The following VPS13A variants were observed in gnomAD, a reference collection of about 807,000 sequenced individuals.
The protein encoded by VPS13A is vacuolar protein sorting 13 homolog A.
In VPS13A, 264 loss-of-function variants were observed where a neutral mutation model predicts 390.9. That is an observed-to-expected ratio of 0.68 (90% confidence interval 0.61 to 0.75). The LOEUF is 0.75. Among genes scored for constraint, VPS13A ranks in the 30% least tolerant of loss-of-function variants. VPS13A has a pLI of 0.00. For missense variants in VPS13A, 3,409 were observed against 3,733.9 expected (o/e 0.91, Z 2.27); for synonymous variants, 1,231 against 1,227.1 (o/e 1.00, Z -0.07).
intron 13 of VPS13A, among the ~76,000 whole-genome samples, chr9:77,225,577 T>G (rs1823461977): frequency 6.6e-6 from 1 of 150,478 alleles, no homozygotes; most frequent in Non-Finnish European, 1.5e-5. Flanking sequence ...AAAATGTAAC[T>G]AATATGTTTA....
At chr9:77,319,732 T>C in intron 42 of VPS13A, 59 bp downstream of exon 42, 2 of 984,920 alleles carry the variant, frequency 2.0e-6, no homozygotes, top group Non-Finnish European at 2.9e-6. Context: ...AAAGACTTTA[T>C]TTTTTTAAGA....
rs1479692409 is a variant in VPS13A at position 77,238,364 on chromosome 9, A to G, written c.1878A>G (p.Glu626=). Residue 626 remains glutamate, a synonymous_variant, in exon 19 of 72, where the codon GAA becomes GAG. Transcript: ENST00000360280. The part of the protein sequence containing the change: ...LTAATLTKLE[E]FRSKTATGLL... ...CAGCAACTTTGACAAAACTGGAAGAATTTCGCAGTAAGACAGCAACAGGTA... is the reference window on the plus strand; with the variant it reads ...CAGCAACTTTGACAAAACTGGAAGAGTTTCGCAGTAAGACAGCAACAGGTA... 1 of 1,613,918 alleles carries G rather than the reference A, an allele frequency of 6.2e-7. No individual in the cohort carries two copies. The highest frequency in any genetic ancestry group is 8.5e-7 in the Non-Finnish European group (1 of 1,179,860).
At chr9:77,287,074 AAACT>A (rs1458805748) in intron 31 of VPS13A, among the ~76,000 whole-genome samples, 1 of 150,732 alleles carries the variant, frequency 6.6e-6, no homozygotes, top group African/African-American at 2.4e-5. Context: ...GGTTTATTCT[AAACT>A]AATTTACCAG....
intron 23 of VPS13A, among the ~76,000 whole-genome samples, chr9:77,267,209 G>T (rs1037951246): frequency 1.3e-5 from 2 of 152,060 alleles, no homozygotes; most frequent in African/African-American, 4.8e-5. Context: ...TCCCTTGCTG[G>T]CAAGGAGTTG....
chr9:77,292,783 G>A (rs1827755316), intron 31 of VPS13A, among the ~76,000 whole-genome samples: 1 of 152,052 alleles, frequency 6.6e-6, no homozygotes, highest in African/African-American at 2.4e-5. Flanking sequence ...ATTTTTAACT[G>A]TTATTGCAGA....
intron 68 of VPS13A, 28 bp downstream of exon 68, chr9:77,382,115 A>C (rs1209693666): frequency 4.5e-6 from 7 of 1,559,150 alleles, no homozygotes; most frequent in Non-Finnish European, 6.1e-6. Flanking sequence ...TTATAAATTA[A>C]GATTAATTTA....
At chr9:77,196,674 TG>T (rs1335393117) in intron 1 of VPS13A, among the ~76,000 whole-genome samples, 11 of 149,426 alleles carry the variant, frequency 7.4e-5, no homozygotes, top group Admixed American at 2.0e-4. Context: ...TGTTTTGTTT[TG>T]TTTTTTTTTT....
At chr9:77,229,359 G>A (rs1030225668) in intron 17 of VPS13A, among the ~76,000 whole-genome samples, 1 of 152,188 alleles carries the variant, frequency 6.6e-6, no homozygotes, top group African/African-American at 2.4e-5. Context: ...GGAATTACAG[G>A]TGTGAGCCTG....
intron 19 of VPS13A, among the ~76,000 whole-genome samples, chr9:77,242,915 TTTG>T (rs1208833918): frequency 1.3e-5 from 2 of 152,088 alleles, no homozygotes; most frequent in African/African-American, 4.8e-5. Flanking sequence ...TTCTTCCAAC[TTTG>T]TTTTCTTTTC....
At chr9:77,249,980 T>C in intron 20 of VPS13A, 117 bp from the exon 21 acceptor site, 2 of 1,142,004 alleles carry the variant, frequency 1.8e-6, no homozygotes, top group South Asian at 2.8e-5. Flanking sequence ...TTATTATGTA[T>C]GCTTACTTGT....
At chr9:77,201,227 A>G (rs1825313702) in intron 2 of VPS13A, 138 bp from the exon 3 acceptor site, 1 of 615,626 alleles carries the variant, frequency 1.6e-6, no homozygotes, top group Non-Finnish European at 2.9e-6. Context: ...ATATATTTAA[A>G]TAAATGTTGA....
chr9:77,338,389 T>G (rs1830646031), intron 47 of VPS13A: 1 of 152,230 alleles, frequency 6.6e-6, no homozygotes, highest in Admixed American at 6.5e-5. Flanking sequence ...ATTTGTACTT[T>G]GCTGTCAGGT....
chr9:77,252,108 C>A, intron 21 of VPS13A, 127 bp from the exon 22 acceptor site: 1 of 774,054 alleles, frequency 1.3e-6, no homozygotes, highest in Non-Finnish European at 2.3e-6. Context: ...GAGAATGTGA[C>A]ATTAAGATTA....
At chr9:77,186,237 T>C (rs1682970088) in intron 1 of VPS13A, among the ~76,000 whole-genome samples, 1 of 152,242 alleles carries the variant, frequency 6.6e-6, no homozygotes, top group African/African-American at 2.4e-5. Context: ...TGTAACATTG[T>C]TGTCATTAAT....
In VPS13A at chr9:77,339,498, T is replaced by G. The variant is rs1035098366; in HGVS notation, c.6379-18T>G. On this transcript the variant is annotated intron_variant, in intron 47 of 71. Transcript: ENST00000360280. ...CAACATTTTAAATTTTGTTTTGTTT[T>G]TTTTTTTTTTATTACAGGGAATTGA... 1.6e-5 allele frequency: 25 copies of G among 1,523,586 alleles called. No homozygotes were observed. Among genetic ancestry groups the G allele is most frequent in the Middle Eastern group, 1.9e-4 (1 of 5,374 alleles). 94.4% of individuals were successfully genotyped at this position (1,523,586 alleles called of 1,614,324 possible). A position where few individuals can be genotyped will look rare whatever the true frequency, so the allele number is the denominator to read the frequency against.
At position 77,407,624 on chromosome 9, in the gene VPS13A, T is replaced by TTTTA. The variant is rs775086713; in HGVS notation, c.9474+22_9474+25dup. The stretch of plus-strand genomic sequence containing the variant: ...GATGCCAGGGTAAATATAATAAATC[T>TTTTA]TTTATTTAAATAGGAGCTGCTCACT... On this transcript the variant is annotated intron_variant, in intron 71 of 71. Transcript: ENST00000360280. 2 of 1,579,328 alleles carry TTTTA rather than the reference T, an allele frequency of 1.3e-6. No homozygotes were observed. The highest frequency in any genetic ancestry group is 2.7e-5 in the African/African-American group (2 of 74,004).
intron 35 of VPS13A, among the ~76,000 whole-genome samples, chr9:77,310,394 A>T (rs2131415589): frequency 6.6e-6 from 1 of 152,358 alleles, no homozygotes; most frequent in African/African-American, 2.4e-5. Flanking sequence ...TCCACATAGT[A>T]TGTAGGATAC....
intron 23 of VPS13A, among the ~76,000 whole-genome samples, chr9:77,263,716 A>G (rs7028287): frequency 0.56 from 85,560 of 151,868 alleles, 24,356 homozygotes; most frequent in East Asian, 0.69. Flanking sequence ...TCTGATGATA[A>G]TTTCTTTTGC....
Position 77,177,818 on chromosome 9 carries a change from C to T in VPS13A, c.100+14C>T. The T allele has an allele frequency of 6.3e-7, 1 of 1,599,540 alleles. No homozygotes were observed. Among genetic ancestry groups the T allele is most frequent in the East Asian group, 2.3e-5 (1 of 44,218 alleles). ...GCATCTGGAAAGGTAAGGAGGCCGCCGCCGCCGCTCCCCGGCCTCTCGTGC... is the reference window on the plus strand; with the variant it reads ...GCATCTGGAAAGGTAAGGAGGCCGCTGCCGCCGCTCCCCGGCCTCTCGTGC... On this transcript the variant is annotated intron_variant, in intron 1 of 71. Coordinates refer to ENST00000360280, the MANE Select transcript of VPS13A (RefSeq NM_033305.3).
Sources: gnomAD v4.1 joint callset for allele counts (sites outside exome capture counted in the v4.1 genomes callset) on GRCh38, gnomAD v4.1.1 for gene constraint, MANE v1.5 for transcripts, NCBI Gene and HGNC (gene_info 2026-07-23, HGNC 2026-07-21) for gene names.